The following EIF2S1 variants were observed in gnomAD, a reference collection of about 807,000 sequenced individuals.
EIF2S1 encodes the protein eukaryotic translation initiation factor 2 subunit 1.
A neutral mutation model predicts 33.5 loss-of-function variants in EIF2S1; 5 were observed. That is an observed-to-expected ratio of 0.15 (90% CI 0.08 to 0.31). EIF2S1 has a LOEUF of 0.31. Ranked by LOEUF, EIF2S1 falls within the 10% of genes least tolerant of loss-of-function variation. EIF2S1 has a pLI of 1.00. For synonymous variants in EIF2S1, 99 were observed against 127.5 expected (o/e 0.78, Z 1.51); for missense variants, 191 against 384.6 (o/e 0.50, Z 4.21).
intron 3 of EIF2S1, chr14:67,374,764 G>C: frequency 2.7e-6 from 1 of 369,378 alleles, no homozygotes; most frequent in Non-Finnish European, 4.9e-6. Flanking sequence ...CATAAAATAC[G>C]GGGTTTTTTT....
At chr14:67,375,234 G>C (rs909658259) in intron 3 of EIF2S1, among the ~76,000 whole-genome samples, 1 of 2,768 alleles carries the variant, frequency 3.6e-4, no homozygotes, top group East Asian at 2.2e-3. Context: ...CCTCAGTTCT[G>C]TGTGTGTGTG....
At position 67,360,374 on chromosome 14, in the gene EIF2S1, C is replaced by G. The variant is rs958113169; in HGVS notation, c.-84C>G. On this transcript the variant is annotated 5_prime_UTR_variant, in exon 1 of 8. Transcript: ENST00000256383. ...GCGCACGCTGAGGAGGATCGGCGGC[C>G]GGTGAGGGGGAAGCAAGTCTGGTCT... 6 of 396,590 alleles carry G rather than the reference C, an allele frequency of 1.5e-5. No homozygotes were observed. The highest frequency in any genetic ancestry group is 1.0e-4 in the African/African-American group (5 of 48,710). 24.6% of individuals were successfully genotyped at this position (396,590 alleles called of 1,614,324 possible).
At chr14:67,376,981 C>T (rs2085860357) in intron 4 of EIF2S1, among the ~76,000 whole-genome samples, 1 of 152,164 alleles carries the variant, frequency 6.6e-6, no homozygotes, top group Admixed American at 6.5e-5. Flanking sequence ...CCGGGATTTG[C>T]TCTGCCACTA....
In EIF2S1 at chr14:67,383,814, AT is replaced by A. The variant is rs1400520556; in HGVS notation, c.*375del. On this transcript the variant is annotated 3_prime_UTR_variant, in exon 8 of 8. Coordinates refer to ENST00000256383, the MANE Select transcript of EIF2S1 (RefSeq NM_004094.5). The stretch of plus-strand genomic sequence containing the variant: ...AGGCAAACAATCCCAATCTTTCTAT[AT>A]AAAATGTATTCAAGCAAACATCAAA... 1 of 263,868 alleles carries A rather than the reference AT, an allele frequency of 3.8e-6. No individual in the cohort carries two copies. The highest frequency in any genetic ancestry group is 9.8e-5 in the East Asian group (1 of 10,244). 16.3% of individuals were successfully genotyped at this position (263,868 alleles called of 1,614,324 possible).
rs549203572 is a variant in EIF2S1 at position 67,372,745 on chromosome 14, T to G, written c.242-1723T>G. On this transcript the variant is annotated intron_variant, in intron 2 of 7. Transcript: ENST00000256383. ...CAAGAGGCTGAGGCAGGAGAATCAC[T>G]TGAACCCAGGAGGCAGAGGTTGCAG... Among the ~76,000 whole-genome samples the G allele has an allele frequency of 1.2e-4, 18 of 152,032 alleles. 1 individual carries two copies. In the South Asian group the frequency reaches 3.7e-3, roughly 32 times the overall value.
intron 1 of EIF2S1, chr14:67,364,400 TATA>T (rs2085760929): frequency 5.5e-6 from 1 of 181,200 alleles, no homozygotes; most frequent in Non-Finnish European, 1.2e-5. Flanking sequence ...TCTGATTAGT[TATA>T]ATAGTGATGC....
intron 2 of EIF2S1, among the ~76,000 whole-genome samples, chr14:67,371,517 C>T (rs759520310): frequency 6.6e-6 from 1 of 152,008 alleles, no homozygotes; most frequent in Non-Finnish European, 1.5e-5. Context: ...TCTTATCATG[C>T]AAATTTCATA....
At chr14:67,361,591 T>C (rs1490679661) in intron 1 of EIF2S1, among the ~76,000 whole-genome samples, 2 of 152,242 alleles carry the variant, frequency 1.3e-5, no homozygotes, top group Admixed American at 6.5e-5. Context: ...TGAACTTCTA[T>C]ATCCATTATA....
At chr14:67,380,354 A>G (rs1416373948) in intron 4 of EIF2S1, among the ~76,000 whole-genome samples, 1 of 152,182 alleles carries the variant, frequency 6.6e-6, no homozygotes, top group African/African-American at 2.4e-5. Context: ...GATAGATTAT[A>G]AACTCCTTGA....
intron 2 of EIF2S1, among the ~76,000 whole-genome samples, chr14:67,368,510 T>C (rs140356792): frequency 2.5e-4 from 38 of 152,046 alleles, no homozygotes; most frequent in African/African-American, 9.2e-4. Context: ...AATATATAGT[T>C]AATACAGTTG....
intron 4 of EIF2S1, among the ~76,000 whole-genome samples, chr14:67,379,393 A>C (rs903189861): frequency 5.3e-5 from 8 of 152,198 alleles, no homozygotes; most frequent in African/African-American, 1.9e-4. Flanking sequence ...TGGAGAGGTC[A>C]ACAGTTTTTC....
intron 2 of EIF2S1, among the ~76,000 whole-genome samples, chr14:67,366,078 G>A (rs941548750): frequency 1.3e-5 from 2 of 149,462 alleles, no homozygotes; most frequent in African/African-American, 2.5e-5. Context: ...GTCTAATCTT[G>A]TACTTTTTTT....
At chr14:67,380,626 G>A (rs780235102) in intron 4 of EIF2S1, 33 bp from the exon 5 acceptor site, 1 of 1,251,134 alleles carries the variant, frequency 8.0e-7, no homozygotes. Context: ...ATATAACCTT[G>A]ACCTTTTGTT....
rs1255750276 is a variant in EIF2S1, at chr14:67,383,371, T to C, written c.879T>C (p.Leu293=). 3 of 1,613,644 alleles carry C rather than the reference T, an allele frequency of 1.9e-6. No homozygotes were observed. Among genetic ancestry groups the C allele is most frequent in the Non-Finnish European group, 2.5e-6 (3 of 1,179,722 alleles). ...ETELARQMER[L]ERENAEVDGD... is the part of the protein sequence containing the mutation. The stretch of plus-strand genomic sequence containing the variant: ...AACTTGCGAGGCAGATGGAGAGGCT[T>C]GAAAGAGAAAATGCCGAAGTGGATG... Residue 293 remains leucine, a synonymous_variant, in exon 8 of 8, where the codon CTT becomes CTC. Transcript: ENST00000256383.
In EIF2S1 at chr14:67,384,418, G is replaced by T. The variant is rs1051856466; in HGVS notation, c.*978G>T. On this transcript the variant is annotated 3_prime_UTR_variant, in exon 8 of 8. Coordinates refer to ENST00000256383, the MANE Select transcript of EIF2S1 (RefSeq NM_004094.5). ...CATTTCTGTCTTTAAGAACTAATTC[G>T]TACATAATAAGTTTCATAGGTAACA... is the stretch of plus-strand genomic sequence containing the variant. The T allele has an allele frequency of 6.7e-6, 1 of 148,602 alleles. No homozygotes were observed. The highest frequency in any genetic ancestry group is 6.8e-5 in the Admixed American group (1 of 14,788). 9.2% of individuals were successfully genotyped at this position (148,602 alleles called of 1,614,324 possible). A position where few individuals can be genotyped will look rare whatever the true frequency, so the allele number is the denominator to read the frequency against.
At chr14:67,363,048 T>C (rs936989254) in intron 1 of EIF2S1, among the ~76,000 whole-genome samples, 7 of 152,212 alleles carry the variant, frequency 4.6e-5, no homozygotes, top group Non-Finnish European at 8.8e-5. Flanking sequence ...CTTTACTGTT[T>C]GGAGAAGCTT....
At chr14:67,377,554 G>C (rs921918724) in intron 4 of EIF2S1, among the ~76,000 whole-genome samples, 3 of 152,070 alleles carry the variant, frequency 2.0e-5, no homozygotes, top group Admixed American at 6.6e-5. Flanking sequence ...ACATATCTCT[G>C]TCCCACCTGT....
intron 1 of EIF2S1, among the ~76,000 whole-genome samples, chr14:67,362,324 A>T (rs2141124033): frequency 6.6e-6 from 1 of 152,104 alleles, no homozygotes; most frequent in South Asian, 2.1e-4. Flanking sequence ...CTGGCCTGGT[A>T]AGAGTCTTTC....
chr14:67,367,433 G>C (rs1451735963), intron 2 of EIF2S1, among the ~76,000 whole-genome samples: 1 of 151,644 alleles, frequency 6.6e-6, no homozygotes, highest in African/African-American at 2.4e-5. Context: ...GTTTCACCAT[G>C]TTGGCCAGAA....
Sources: allele counts gnomAD v4.1 joint callset (sites outside exome capture counted in the v4.1 genomes callset), GRCh38; gene constraint gnomAD v4.1.1; transcripts MANE v1.5; gene names NCBI Gene and HGNC (gene_info 2026-07-23, HGNC 2026-07-21).